Variants in KIAA1217 observed in about 807,000 individuals in gnomAD.
KIAA1217 encodes the protein KIAA1217.
Under a neutral mutation model 163.9 loss-of-function variants are expected in KIAA1217, and 88 were observed. That is an observed-to-expected ratio of 0.54 (90% CI 0.45 to 0.64). The LOEUF (loss-of-function observed/expected upper bound fraction) is 0.64, where lower values mean the gene tolerates loss of function less well. Ranked by LOEUF, KIAA1217 falls within the 30% of genes least tolerant of loss-of-function variation. The pLI is 0.00. For synonymous variants in KIAA1217, 903 were observed against 923.1 expected (o/e 0.98, Z 0.39); for missense variants, 2,372 against 2,475.0 (o/e 0.96, Z 0.88).
intron 2 of KIAA1217, among the ~76,000 whole-genome samples, chr10:24,379,464 C>T (rs2052989070): frequency 6.6e-6 from 1 of 152,182 alleles, no homozygotes; most frequent in Non-Finnish European, 1.5e-5. Context: ...AACACCCAGT[C>T]ATCTCCTTGA....
intron 2 of KIAA1217, among the ~76,000 whole-genome samples, chr10:24,048,082 C>T (rs777443964): frequency 5.9e-5 from 9 of 152,206 alleles, no homozygotes; most frequent in South Asian, 2.1e-4. Context: ...CAATTCCACT[C>T]ATTTGCTGAG....
chr10:23,781,329 C>T (rs1251183358), intron 1 of KIAA1217, among the ~76,000 whole-genome samples: 1 of 152,110 alleles, frequency 6.6e-6, no homozygotes, highest in Non-Finnish European at 1.5e-5. Context: ...GGTGATATCT[C>T]ATTGTGGTTT....
At chr10:24,425,908 C>G (rs1233500414) in intron 3 of KIAA1217, among the ~76,000 whole-genome samples, 12 of 152,134 alleles carry the variant, frequency 7.9e-5, no homozygotes, top group Admixed American at 7.9e-4. Flanking sequence ...CAACCTTTGC[C>G]AATGTTGTAG....
chr10:23,748,981 C>T (rs1281763674), intron 1 of KIAA1217, among the ~76,000 whole-genome samples: 1 of 152,180 alleles, frequency 6.6e-6, no homozygotes, highest in Non-Finnish European at 1.5e-5. Flanking sequence ...TCTCTGCCAC[C>T]ATCCACCCCT....
At chr10:23,932,903 A>T (rs1843315320) in intron 1 of KIAA1217, among the ~76,000 whole-genome samples, 1 of 152,226 alleles carries the variant, frequency 6.6e-6, no homozygotes, top group Admixed American at 6.5e-5. Flanking sequence ...GAATTGATAA[A>T]TATGAAATTG....
intron 3 of KIAA1217, among the ~76,000 whole-genome samples, chr10:24,424,822 C>T (rs1481514595): frequency 6.6e-6 from 1 of 152,312 alleles, no homozygotes; most frequent in East Asian, 1.9e-4. Flanking sequence ...AGGATGATCT[C>T]GATCTCCTGA....
chr10:24,117,796 C>A (rs551543442), intron 2 of KIAA1217, among the ~76,000 whole-genome samples: 1 of 152,266 alleles, frequency 6.6e-6, no homozygotes, highest in Non-Finnish European at 1.5e-5. Context: ...TGTTCCTGAG[C>A]AAAGCAGTAT....
intron 2 of KIAA1217, among the ~76,000 whole-genome samples, chr10:24,281,988 C>T (rs1284967829): frequency 6.6e-5 from 10 of 151,844 alleles, no homozygotes; most frequent in African/African-American, 2.2e-4. Flanking sequence ...ACCCAGGAGG[C>T]GGAGCTTGCA....
chr10:24,130,244 T>C (rs995570891), intron 2 of KIAA1217, among the ~76,000 whole-genome samples: 4 of 152,210 alleles, frequency 2.6e-5, no homozygotes, highest in Non-Finnish European at 5.9e-5. Flanking sequence ...CATAGTTCAC[T>C]GCAACCTCAA....
chr10:23,842,015 G>A (rs565939428), intron 1 of KIAA1217, among the ~76,000 whole-genome samples: 14 of 151,944 alleles, frequency 9.2e-5, no homozygotes, highest in African/African-American at 2.4e-4. Flanking sequence ...TTACAGGCAC[G>A]TGCTACCACA....
intron 2 of KIAA1217, among the ~76,000 whole-genome samples, chr10:24,322,026 G>A (rs541889829): frequency 2.6e-4 from 40 of 152,202 alleles, no homozygotes; most frequent in African/African-American, 9.1e-4. Context: ...TCGGCTCACT[G>A]CAATCTCCAC....
In KIAA1217 at chr10:24,518,029, CTAGA is replaced by C. The variant is rs1184341127; in HGVS notation, c.2178-2091_2178-2088del. Among the ~76,000 whole-genome samples the C allele has an allele frequency of 3.3e-5, 5 of 152,176 alleles. No individual in the cohort carries two copies. In the East Asian group the frequency reaches 9.6e-4, roughly 29 times the overall value. On this transcript the variant is annotated intron_variant, in intron 10 of 20. Coordinates refer to ENST00000376454, the MANE Select transcript of KIAA1217 (RefSeq NM_019590.5). ...ATAAAACTATGAAAAGAAATTGGGT[CTAGA>C]TAATTTCTACATGAAAATAATAATT...
At chr10:24,401,124 A>G (rs1211096805) in intron 3 of KIAA1217, among the ~76,000 whole-genome samples, 1 of 151,958 alleles carries the variant, frequency 6.6e-6, no homozygotes, top group Non-Finnish European at 1.5e-5. Flanking sequence ...TTATAAGCCA[A>G]GAAGTCAGAA....
chr10:24,000,296 G>A (rs928206493), intron 1 of KIAA1217, among the ~76,000 whole-genome samples: 4 of 152,118 alleles, frequency 2.6e-5, no homozygotes, highest in Admixed American at 2.6e-4. Flanking sequence ...ATTGAATCAT[G>A]GGGGGCAGTT....
At chr10:23,854,351 T>C (rs1055083898) in intron 1 of KIAA1217, among the ~76,000 whole-genome samples, 8 of 152,234 alleles carry the variant, frequency 5.3e-5, no homozygotes, top group Non-Finnish European at 1.0e-4. Context: ...TCCTAAGTTC[T>C]AGTTTGATTG....
intron 1 of KIAA1217, among the ~76,000 whole-genome samples, chr10:23,982,878 G>A (rs762316938): frequency 1.3e-5 from 2 of 151,822 alleles, no homozygotes; most frequent in Non-Finnish European, 2.9e-5. Context: ...TTTTTTCTTT[G>A]TAGCAAACAA....
chr10:24,454,763 G>A (rs1382133155), intron 5 of KIAA1217, among the ~76,000 whole-genome samples: 1 of 151,988 alleles, frequency 6.6e-6, no homozygotes, highest in Non-Finnish European at 1.5e-5. Flanking sequence ...GGATCATGAC[G>A]GATACATCAT....
intron 1 of KIAA1217, among the ~76,000 whole-genome samples, chr10:23,792,668 A>ATTTT (rs898188577): frequency 4.6e-5 from 6 of 129,558 alleles, no homozygotes; most frequent in African/African-American, 1.4e-4. Flanking sequence ...AATTTTTTGT[A>ATTTT]TTTTTTTTTT....
At chr10:24,311,594 T>G (rs549441178) in intron 2 of KIAA1217, among the ~76,000 whole-genome samples, 5 of 152,300 alleles carry the variant, frequency 3.3e-5, no homozygotes, top group Admixed American at 3.3e-4. Context: ...TACAGCTCTA[T>G]GCAACTTTTT....
Sources: allele counts gnomAD v4.1 joint callset (sites outside exome capture counted in the v4.1 genomes callset), GRCh38; gene constraint gnomAD v4.1.1; transcripts MANE v1.5; gene names NCBI Gene and HGNC (gene_info 2026-07-23, HGNC 2026-07-21).